SPINT2: variants seen among roughly 807,000 people sequenced by gnomAD.
SPINT2 encodes serine peptidase inhibitor, Kunitz type 2.
In SPINT2, 18 loss-of-function variants were observed where a neutral mutation model predicts 30.1. That is an observed-to-expected ratio of 0.60 (90% CI 0.41 to 0.89). SPINT2 has a LOEUF of 0.89. SPINT2 is among the 40% of genes least tolerant of loss of function. The pLI is 0.00. For synonymous variants in SPINT2, 139 were observed against 137.9 expected, an observed-to-expected ratio of 1.01 and a Z score of -0.05; for missense variants, 276 against 334.3, an observed-to-expected ratio of 0.83 and a Z score of 1.36.
At chr19:38,273,783 C>G (rs1333087874) in intron 1 of SPINT2, among the ~76,000 whole-genome samples, 1 of 152,136 alleles carries the variant, frequency 6.6e-6, no homozygotes, top group African/African-American at 2.4e-5. Flanking sequence ...TTGGCCTTCC[C>G]TGTATATCCT....
intron 2 of SPINT2, among the ~76,000 whole-genome samples, 165 bp from the exon 3 acceptor site, chr19:38,287,711 A>G (rs1277319029): frequency 1.3e-5 from 2 of 152,178 alleles, no homozygotes; most frequent in Admixed American, 6.5e-5. Context: ...TCGGGAGGCA[A>G]TCTTGGTTCC....
chr19:38,283,859 TG>T (rs1968611225), intron 2 of SPINT2, 62 bp downstream of exon 2: 2 of 1,039,436 alleles, frequency 1.9e-6, no homozygotes, highest in Non-Finnish European at 2.7e-6. Flanking sequence ...TTTTTTTTTT[TG>T]AGACGGAGTC....
intron 4 of SPINT2, chr19:38,289,755 A>G (rs573084571): frequency 3.2e-5 from 11 of 343,564 alleles, no homozygotes; most frequent in Admixed American, 1.6e-4. Context: ...TGCAATTTAC[A>G]TTGTCCCTGA....
chr19:38,287,957 C>A, intron 3 of SPINT2, 22 bp downstream of exon 3: 3 of 1,613,698 alleles, frequency 1.9e-6, no homozygotes, highest in South Asian at 1.1e-5. Context: ...AAGAGACCCG[C>A]GATGGAGTGA....
intron 1 of SPINT2, among the ~76,000 whole-genome samples, chr19:38,274,321 T>C (rs1968491902): frequency 6.6e-6 from 1 of 151,978 alleles, no homozygotes; most frequent in Non-Finnish European, 1.5e-5. Context: ...TTTTCTTTCT[T>C]TTTTTTTGAG....
At chr19:38,275,274 G>GTTTGT (rs376487481) in intron 1 of SPINT2, among the ~76,000 whole-genome samples, 66 of 152,214 alleles carry the variant, frequency 4.3e-4, no homozygotes, top group South Asian at 2.1e-3. Flanking sequence ...CTTTCTGTTT[G>GTTTGT]TTTGTTTTGT....
At chr19:38,287,637 C>CT (rs58515213) in intron 2 of SPINT2, among the ~76,000 whole-genome samples, 1,757 of 152,364 alleles carry the variant, frequency 0.012, 30 homozygotes, top group African/African-American at 0.04. Flanking sequence ...AAGTCACTGT[C>CT]TTTTTAAGGT....
chr19:38,270,224 A>G (rs1473523723), intron 1 of SPINT2, among the ~76,000 whole-genome samples: 1 of 152,202 alleles, frequency 6.6e-6, no homozygotes, highest in Non-Finnish European at 1.5e-5. Context: ...CAGAAGAGCT[A>G]AAGTAAAGCT....
Position 38,264,771 on chromosome 19 carries a change from C to G in SPINT2, c.-122C>G, listed in dbSNP as rs1054691103. Reference sequence around the variant, plus strand: ...GGCTTTGGCACCTGGCGGACCCTCCCGGAGCGTCGGCACCTGAACGCGAGG... The same window carrying G: ...GGCTTTGGCACCTGGCGGACCCTCCGGGAGCGTCGGCACCTGAACGCGAGG... On this transcript the variant is annotated 5_prime_UTR_variant, in exon 1 of 7. Transcript: ENST00000301244. 3 of 1,078,094 alleles carry G rather than the reference C, an allele frequency of 2.8e-6. No homozygotes were observed. Among genetic ancestry groups the G allele is most frequent in the Non-Finnish European group, 4.0e-6 (3 of 747,750 alleles). 66.8% of individuals were successfully genotyped at this position (1,078,094 alleles called of 1,614,324 possible). A position where few individuals can be genotyped will look rare whatever the true frequency, so the allele number is the denominator to read the frequency against.
At chr19:38,279,134 C>G (rs550000349) in intron 1 of SPINT2, among the ~76,000 whole-genome samples, 50 of 151,858 alleles carry the variant, frequency 3.3e-4, no homozygotes, top group African/African-American at 1.2e-3. Context: ...CTTATTTGGA[C>G]CTAACTTCAG....
intron 2 of SPINT2, among the ~76,000 whole-genome samples, chr19:38,286,811 T>TA (rs956615317): frequency 5.9e-5 from 9 of 152,150 alleles, no homozygotes; most frequent in Admixed American, 3.3e-4. Context: ...TGTTAACCTT[T>TA]AAAAAAAGTG....
chr19:38,289,508 A>G, intron 4 of SPINT2: 1 of 236,040 alleles, frequency 4.2e-6, no homozygotes, highest in Middle Eastern at 1.7e-3. Flanking sequence ...AAAAAAAAAA[A>G]AAAAACTCCG....
rs951704599 is a variant in SPINT2, at chr19:38,264,695, C to T, written c.-198C>T. On this transcript the variant is annotated 5_prime_UTR_variant, in exon 1 of 7. Transcript: ENST00000301244. Reference sequence around the variant, plus strand: ...AGGAGCAGACCCAGGCATCGCGCGCCGAGAAGGCCGGGCGTCCCCACACTG... The same window carrying T: ...AGGAGCAGACCCAGGCATCGCGCGCTGAGAAGGCCGGGCGTCCCCACACTG... 5.1e-6 allele frequency: 3 copies of T among 589,652 alleles called. No individual in the cohort carries two copies. The highest frequency in any genetic ancestry group is 3.9e-5 in the African/African-American group (2 of 51,312). The allele number at this position is 589,652 out of a possible 1,614,324, so 36.5% of individuals were successfully genotyped here.
intron 1 of SPINT2, among the ~76,000 whole-genome samples, chr19:38,269,978 A>G (rs62123469): frequency 0.16 from 14,030 of 87,544 alleles, 915 homozygotes; most frequent in East Asian, 0.29. Context: ...TGCCCACCTC[A>G]GCCTCTCAAA....
intron 2 of SPINT2, among the ~76,000 whole-genome samples, chr19:38,287,658 A>T (rs1968658519): frequency 6.6e-6 from 1 of 152,194 alleles, no homozygotes. Flanking sequence ...CACTTTGCAC[A>T]TCTCTGCTCT....
intron 1 of SPINT2, among the ~76,000 whole-genome samples, chr19:38,275,859 C>T (rs1318517162): frequency 6.6e-6 from 1 of 151,876 alleles, no homozygotes; most frequent in Non-Finnish European, 1.5e-5. Flanking sequence ...TCCAGAATAG[C>T]TGGGATTACA....
intron 1 of SPINT2, among the ~76,000 whole-genome samples, chr19:38,267,110 C>A (rs897393032): frequency 1.3e-5 from 2 of 152,188 alleles, no homozygotes; most frequent in Non-Finnish European, 2.9e-5. Flanking sequence ...ACTGCAGAGG[C>A]CTTCTCTGTT....
intron 1 of SPINT2, among the ~76,000 whole-genome samples, chr19:38,283,086 C>A (rs1279969944): frequency 6.6e-6 from 1 of 151,422 alleles, no homozygotes; most frequent in South Asian, 2.1e-4. Context: ...CCGAGGCAGG[C>A]GGATTGCTTG....
At chr19:38,269,870 A>G (rs907151097) in intron 1 of SPINT2, among the ~76,000 whole-genome samples, 1 of 152,160 alleles carries the variant, frequency 6.6e-6, no homozygotes, top group Admixed American at 6.5e-5. Flanking sequence ...CGGCCTCCCA[A>G]AGTGCTGGGA....
Sources: allele counts gnomAD v4.1 joint callset (sites outside exome capture counted in the v4.1 genomes callset), GRCh38; gene constraint gnomAD v4.1.1; transcripts MANE v1.5; gene names NCBI Gene and HGNC (gene_info 2026-07-23, HGNC 2026-07-21).